The following CEP112 variants were observed in gnomAD, a reference collection of about 807,000 sequenced individuals.
CEP112 encodes the protein centrosomal protein 112, also known as centrosomal protein of 112 kDa.
CEP112 carries 127 observed loss-of-function variants against 153.0 expected under a neutral mutation model. That is an observed-to-expected ratio of 0.83 (90% confidence interval 0.72 to 0.96). The LOEUF (loss-of-function observed/expected upper bound fraction) is 0.96, where lower values mean the gene tolerates loss of function less well. Ranked by LOEUF, CEP112 falls within the 40% of genes least tolerant of loss-of-function variation. The pLI is 0.00. For synonymous variants in CEP112, 358 were observed against 374.4 expected (o/e 0.96, Z 0.51); for missense variants, 1,089 against 1,101.2 (o/e 0.99, Z 0.16).
At chr17:66,121,361 GC>G (rs758098393) in intron 6 of CEP112, among the ~76,000 whole-genome samples, 4 of 152,018 alleles carry the variant, frequency 2.6e-5, no homozygotes, top group African/African-American at 9.7e-5. Flanking sequence ...AACTTGAAGT[GC>G]ATTGAGCTTT....
rs768496288 is a variant in CEP112 at position 65,826,308 on chromosome 17, A to AC, written c.2394+25495dup. ...CTCAGAGAAGCCCACATCTTCGTTG[A>AC]CCCCCATTAAGATCTCAGAAGCAGT... On this transcript the variant is annotated intron_variant, in intron 21 of 26. Coordinates refer to ENST00000535342, the MANE Select transcript of CEP112 (RefSeq NM_001199165.4). 1.2e-5 allele frequency: 20 copies of AC among 1,613,720 alleles called. No individual in the cohort carries two copies. In the South Asian group the frequency reaches 2.0e-4, roughly 16 times the overall value.
At chr17:66,141,328 T>C (rs1240467127) in intron 4 of CEP112, among the ~76,000 whole-genome samples, 2 of 151,936 alleles carry the variant, frequency 1.3e-5, no homozygotes, top group African/African-American at 4.9e-5. Flanking sequence ...CCTTTTCACA[T>C]ATGAAATGTC....
chr17:66,083,543 A>G (rs544858805), intron 8 of CEP112, among the ~76,000 whole-genome samples: 1 of 152,320 alleles, frequency 6.6e-6, no homozygotes, highest in African/African-American at 2.4e-5. Flanking sequence ...TTTTTATTTT[A>G]TACCATTAAG....
chr17:65,640,933 C>G, intron 25 of CEP112, 31 bp downstream of exon 25: 1 of 1,254,404 alleles, frequency 8.0e-7, no homozygotes, highest in South Asian at 1.2e-5. Flanking sequence ...TCCCCTAAAT[C>G]CTTGGAAAAT....
chr17:65,761,028 T>A (rs117632216), intron 21 of CEP112, among the ~76,000 whole-genome samples: 1 of 152,252 alleles, frequency 6.6e-6, no homozygotes, highest in East Asian at 1.9e-4. Context: ...TCTATAAGCA[T>A]ATAATTGATC....
intron 8 of CEP112, among the ~76,000 whole-genome samples, chr17:66,074,067 G>A (rs2067395788): frequency 6.6e-6 from 1 of 151,878 alleles, no homozygotes. Flanking sequence ...AGAACTAAAG[G>A]AAAACATATT....
At chr17:66,176,764 G>T in intron 3 of CEP112, 66 bp downstream of exon 3, 1 of 1,238,418 alleles carries the variant, frequency 8.1e-7, no homozygotes. Flanking sequence ...ATTCCCCAAA[G>T]GGATGATAAC....
chr17:66,010,837 A>C (rs2064492103), intron 16 of CEP112, among the ~76,000 whole-genome samples: 1 of 152,082 alleles, frequency 6.6e-6, no homozygotes, highest in Non-Finnish European at 1.5e-5. Context: ...TAGCTTTTTG[A>C]TGTGCTGCTG....
intron 20 of CEP112, among the ~76,000 whole-genome samples, chr17:65,879,931 C>T (rs1010302636): frequency 6.9e-6 from 1 of 144,474 alleles, no homozygotes; most frequent in Middle Eastern, 3.7e-3. Flanking sequence ...AGACAATAAA[C>T]AACAACAAAG....
intron 4 of CEP112, 46 bp from the exon 5 acceptor site, chr17:66,132,809 G>T: frequency 8.4e-7 from 1 of 1,193,396 alleles, no homozygotes; most frequent in Non-Finnish European, 1.3e-6. Context: ...GAATTCAGAG[G>T]ACACAGAGTA....
At chr17:65,654,581 A>C (rs903344130) in intron 24 of CEP112, among the ~76,000 whole-genome samples, 1 of 152,194 alleles carries the variant, frequency 6.6e-6, no homozygotes. Context: ...GGAAAGGGTT[A>C]TATTTTCAGG....
intron 1 of CEP112, among the ~76,000 whole-genome samples, chr17:66,183,529 C>A (rs1241276866): frequency 6.6e-6 from 1 of 151,998 alleles, no homozygotes; most frequent in Non-Finnish European, 1.5e-5. Flanking sequence ...AGAGCCCAAA[C>A]AATTTTGAGA....
chr17:65,797,227 A>C (rs890673410), intron 21 of CEP112: 3 of 152,292 alleles, frequency 2.0e-5, no homozygotes, highest in African/African-American at 7.2e-5. Context: ...CTGCTGGAGC[A>C]GCATAACATC....
intron 12 of CEP112, among the ~76,000 whole-genome samples, chr17:66,043,389 T>C (rs1429908882): frequency 6.6e-6 from 1 of 151,948 alleles, no homozygotes; most frequent in Non-Finnish European, 1.5e-5. Flanking sequence ...TTTAGAAGCA[T>C]ATGTATTACT....
At chr17:65,927,432 T>C in intron 19 of CEP112, 150 bp downstream of exon 19, 2 of 534,488 alleles carry the variant, frequency 3.7e-6, no homozygotes, top group Non-Finnish European at 6.4e-6. Context: ...TTATAGATTT[T>C]ATTGAAACAA....
intron 12 of CEP112, among the ~76,000 whole-genome samples, chr17:66,030,324 T>G (rs956661868): frequency 6.6e-5 from 10 of 152,198 alleles, no homozygotes; most frequent in African/African-American, 2.2e-4. Flanking sequence ...TAAGACAAAG[T>G]TCCTATCCTC....
chr17:65,695,749 C>A (rs534955337), intron 23 of CEP112, among the ~76,000 whole-genome samples: 1 of 152,292 alleles, frequency 6.6e-6, no homozygotes, highest in South Asian at 2.1e-4. Context: ...AGATGTAGTA[C>A]TGTAGCAAGA....
chr17:66,156,943 G>A (rs151280681), intron 4 of CEP112, among the ~76,000 whole-genome samples: 5,185 of 152,188 alleles, frequency 0.034, 131 homozygotes, highest in Middle Eastern at 0.061. Flanking sequence ...AACCAAGTTG[G>A]AAAACACTCT....
At chr17:66,119,070 A>T (rs1356490558) in intron 6 of CEP112, among the ~76,000 whole-genome samples, 1 of 152,202 alleles carries the variant, frequency 6.6e-6, no homozygotes, top group African/African-American at 2.4e-5. Flanking sequence ...GGAAGCCATG[A>T]TCCTCAGCAA....
Sources: gnomAD v4.1 joint callset for allele counts (sites outside exome capture counted in the v4.1 genomes callset) on GRCh38, gnomAD v4.1.1 for gene constraint, MANE v1.5 for transcripts, NCBI Gene and HGNC (gene_info 2026-07-23, HGNC 2026-07-21) for gene names.